NRXN3: variants seen among roughly 807,000 people sequenced by gnomAD.
NRXN3 encodes neurexin III.
NRXN3 carries 32 observed loss-of-function variants against 137.6 expected under a neutral mutation model. The observed-to-expected ratio is 0.23, with a 90% CI of 0.18 to 0.31. The LOEUF (loss-of-function observed/expected upper bound fraction) is 0.31, where lower values mean the gene tolerates loss of function less well. Ranked by LOEUF, NRXN3 falls within the 10% of genes least tolerant of loss-of-function variation. The pLI is 1.00. For missense variants in NRXN3, 1,574 were observed against 2,062.5 expected (o/e 0.76, Z 4.59); for synonymous variants, 798 against 784.5 (o/e 1.02, Z -0.29).
chr14:78,195,126 C>T (rs1417861180), intron 1 of NRXN3, among the ~76,000 whole-genome samples: 1 of 134,602 alleles, frequency 7.4e-6, no homozygotes, highest in African/African-American at 2.8e-5. Context: ...TTTTAAATTT[C>T]AAGCTGAGAT....
chr14:79,154,562 C>A (rs1366026478), intron 15 of NRXN3, among the ~76,000 whole-genome samples: 1 of 151,836 alleles, frequency 6.6e-6, no homozygotes, highest in African/African-American at 2.4e-5. Flanking sequence ...CTTATTCACA[C>A]ATTTATATAC....
At chr14:78,390,191 A>G (rs2090568745) in intron 4 of NRXN3, among the ~76,000 whole-genome samples, 1 of 152,182 alleles carries the variant, frequency 6.6e-6, no homozygotes, top group Admixed American at 6.5e-5. Flanking sequence ...GTAAGTGCTT[A>G]TTGGGCTATA....
Position 78,243,107 on chromosome 14 carries a change from T to C in NRXN3, c.14T>C (p.Leu5Pro). The stretch of plus-strand genomic sequence containing the variant: ...CCAGCAGCGACAATGAGCTCCACAC[T>C]CCACTCGGTTTTCTTCACCCTGAAG... MSST[L>P]HSVFFTLKVS... The change falls in exon 2 of 21, where the codon CTC becomes CCC. Residue 5 changes from leucine (L) to proline (P), a missense_variant. Leu to Pro is a moderately conservative substitution (Grantham distance 98). This residue lies in a region of NRXN3 where 400 missense variants were observed against 527.3 expected (regional missense o/e 0.76). Transcript: ENST00000335750. This position sits in a 1 kb window ranked among gnomAD's most constrained non-coding sequence, Gnocchi z 4.2. 1.3e-6 allele frequency: 2 copies of C among 1,531,010 alleles called. No individual in the cohort carries two copies. The highest frequency in any genetic ancestry group is 1.7e-6 in the Non-Finnish European group (2 of 1,145,298). The allele number at this position is 1,531,010 out of a possible 1,614,324, so 94.8% of individuals were successfully genotyped here.
intron 4 of NRXN3, among the ~76,000 whole-genome samples, chr14:78,408,553 C>T (rs2092639436): frequency 6.6e-6 from 1 of 152,180 alleles, no homozygotes; most frequent in African/African-American, 2.4e-5. Context: ...TTTACAATAT[C>T]TTTACTCAGG....
chr14:78,813,027 AC>A (rs972245337), intron 10 of NRXN3, among the ~76,000 whole-genome samples: 175 of 1,356 alleles, frequency 0.13, 2 homozygotes, highest in African/African-American at 0.16. Context: ...TAAATATAAT[AC>A]ATTTTTTTTC....
At chr14:79,199,077 G>GA (rs1316478877) in intron 15 of NRXN3, among the ~76,000 whole-genome samples, 5 of 151,978 alleles carry the variant, frequency 3.3e-5, no homozygotes, top group African/African-American at 1.2e-4. Context: ...TGAGGCAGGA[G>GA]AATCGCTTGA....
At chr14:79,467,826 T>C (rs987433300) in intron 16 of NRXN3, among the ~76,000 whole-genome samples, 13 of 152,204 alleles carry the variant, frequency 8.5e-5, no homozygotes, top group Non-Finnish European at 1.9e-4. Context: ...TTTTGGACTT[T>C]GCAGGTCAGA....
intron 4 of NRXN3, among the ~76,000 whole-genome samples, chr14:78,333,433 G>A (rs1327056946): frequency 1.3e-5 from 2 of 152,076 alleles, no homozygotes; most frequent in East Asian, 1.9e-4. Flanking sequence ...TGCCTTTGTC[G>A]GTCTTATATT....
At chr14:79,519,085 C>G (rs1194803732) in intron 16 of NRXN3, among the ~76,000 whole-genome samples, 1 of 152,102 alleles carries the variant, frequency 6.6e-6, no homozygotes, top group Non-Finnish European at 1.5e-5. Context: ...GCTCAGGTGA[C>G]AGACAACTTC....
intron 16 of NRXN3, among the ~76,000 whole-genome samples, chr14:79,535,915 G>A (rs764006664): frequency 1.3e-5 from 2 of 152,176 alleles, no homozygotes; most frequent in African/African-American, 2.4e-5. Flanking sequence ...TAGGCATTCT[G>A]TATTCAGTTA....
chr14:78,315,992 A>G (rs1474785090), intron 4 of NRXN3, among the ~76,000 whole-genome samples: 1 of 152,134 alleles, frequency 6.6e-6, no homozygotes, highest in East Asian at 1.9e-4. Context: ...CTTCCTGTAA[A>G]GCTGTGCTTT....
At chr14:78,345,144 T>A (rs2153585554) in intron 4 of NRXN3, among the ~76,000 whole-genome samples, 1 of 152,230 alleles carries the variant, frequency 6.6e-6, no homozygotes, top group South Asian at 2.1e-4. Context: ...TGTGGGTACA[T>A]GCCTGTGGCC....
intron 4 of NRXN3, among the ~76,000 whole-genome samples, chr14:78,361,743 T>C (rs2085148925): frequency 6.6e-6 from 1 of 152,230 alleles, no homozygotes; most frequent in African/African-American, 2.4e-5. Context: ...GTATTATCTA[T>C]GGTGTATTTT....
At chr14:79,696,536 T>C (rs980781192) in intron 18 of NRXN3, among the ~76,000 whole-genome samples, 1 of 151,962 alleles carries the variant, frequency 6.6e-6, no homozygotes, top group Non-Finnish European at 1.5e-5. Flanking sequence ...CTTAGCATAT[T>C]GCTGTTCTGA....
chr14:78,407,293 G>A (rs949808880), intron 4 of NRXN3, among the ~76,000 whole-genome samples: 16 of 151,898 alleles, frequency 1.1e-4, no homozygotes, highest in African/African-American at 3.9e-4. Flanking sequence ...GTTTGGCCTG[G>A]GATCTACATG....
chr14:79,415,856 C>A (rs1000681764), intron 15 of NRXN3, among the ~76,000 whole-genome samples: 2 of 152,124 alleles, frequency 1.3e-5, no homozygotes, highest in Non-Finnish European at 2.9e-5. Flanking sequence ...GAACTTATTA[C>A]AAATGCAGAA....
intron 16 of NRXN3, among the ~76,000 whole-genome samples, chr14:79,496,151 A>C (rs2096764141): frequency 2.0e-5 from 3 of 147,878 alleles, no homozygotes; most frequent in African/African-American, 7.3e-5. Context: ...TTCTGCTGAC[A>C]AAAGAAAGGG....
intron 20 of NRXN3, among the ~76,000 whole-genome samples, chr14:79,825,826 C>T (rs1167043507): frequency 1.3e-5 from 2 of 152,100 alleles, no homozygotes; most frequent in East Asian, 3.9e-4. Flanking sequence ...ATTAAAGCAT[C>T]AGTTAGTAAG....
intron 14 of NRXN3, among the ~76,000 whole-genome samples, chr14:78,981,147 C>T (rs190671279): frequency 1.4e-4 from 21 of 152,200 alleles, no homozygotes; most frequent in Non-Finnish European, 2.4e-4. Flanking sequence ...TGCTTATAAA[C>T]GTAACATTTG....
Sources: allele counts gnomAD v4.1 joint callset (sites outside exome capture counted in the v4.1 genomes callset), GRCh38; gene constraint gnomAD v4.1.1; regional missense constraint gnomAD v4.1.1; non-coding constraint Gnocchi (gnomAD v3.1); transcripts MANE v1.5; gene names NCBI Gene and HGNC (gene_info 2026-07-23, HGNC 2026-07-21).